Variants in NFIB observed in about 807,000 individuals in gnomAD.
The protein encoded by NFIB is nuclear factor I B, also known as nuclear factor 1 B-type.
NFIB carries 11 observed loss-of-function variants against 61.5 expected under a neutral mutation model. The observed-to-expected ratio is 0.18, with a 90% CI of 0.11 to 0.30. The LOEUF is 0.30. Among genes scored for constraint, NFIB ranks in the 10% least tolerant of loss-of-function variants. The pLI is 1.00. For missense variants in NFIB, 471 were observed against 608.9 expected, an observed-to-expected ratio of 0.77 and a Z score of 2.38; for synonymous variants, 260 against 216.5, an observed-to-expected ratio of 1.20 and a Z score of -1.76.
intron 2 of NFIB, among the ~76,000 whole-genome samples, chr9:14,288,644 A>G (rs2058873008): frequency 6.6e-6 from 1 of 152,076 alleles, no homozygotes; most frequent in African/African-American, 2.4e-5. Flanking sequence ...GTTCCCTCCC[A>G]GAAAGCTCCG....
intron 2 of NFIB, among the ~76,000 whole-genome samples, chr9:14,215,308 G>A (rs1376205401): frequency 2.0e-5 from 3 of 150,224 alleles, no homozygotes; most frequent in South Asian, 4.2e-4. Context: ...TGTAACCTCT[G>A]GTATACATTT....
intron 2 of NFIB, among the ~76,000 whole-genome samples, chr9:14,200,522 T>C (rs911604253): frequency 3.9e-5 from 6 of 152,204 alleles, no homozygotes; most frequent in African/African-American, 1.2e-4. Context: ...CCAAAATTAC[T>C]ATTTTTTTTA....
the NFIB span, among the ~76,000 whole-genome samples, chr9:14,494,487 T>G: frequency 6.6e-6 from 1 of 152,228 alleles, no homozygotes; most frequent in African/African-American, 2.4e-5. Context: ...GAGGTCCTTC[T>G]TAGCCTGGAC....
intron 2 of NFIB, among the ~76,000 whole-genome samples, chr9:14,202,813 A>C (rs2049198250): frequency 6.6e-6 from 1 of 152,226 alleles, no homozygotes. Context: ...AATGTCAATT[A>C]ATACCAAATT....
At chr9:14,495,360 G>T in the NFIB span, among the ~76,000 whole-genome samples, 1 of 151,780 alleles carries the variant, frequency 6.6e-6, no homozygotes, top group African/African-American at 2.4e-5. Context: ...CATATCTACG[G>T]GGATTTCAGA....
intron 6 of NFIB, among the ~76,000 whole-genome samples, chr9:14,134,465 G>A (rs1339572369): frequency 2.6e-5 from 4 of 152,154 alleles, no homozygotes; most frequent in Non-Finnish European, 5.9e-5. Context: ...ATTAGGCACA[G>A]AGTTACATGC....
the NFIB span, among the ~76,000 whole-genome samples, chr9:14,434,031 C>A: frequency 2.0e-5 from 3 of 152,208 alleles, no homozygotes; most frequent in African/African-American, 4.8e-5. Flanking sequence ...AAGAGCTGAG[C>A]ACTAAGCTTT....
chr9:14,406,907 A>G, the NFIB span, among the ~76,000 whole-genome samples: 12 of 152,314 alleles, frequency 7.9e-5, no homozygotes, highest in South Asian at 2.1e-3. Flanking sequence ...TCAAACACCA[A>G]TTGAACTGTG....
At chr9:14,440,451 A>G in the NFIB span, among the ~76,000 whole-genome samples, 10 of 152,206 alleles carry the variant, frequency 6.6e-5, no homozygotes, top group Non-Finnish European at 1.0e-4. Context: ...CTTCTGAAGT[A>G]CATTTCACAA....
At chr9:14,319,152 AAT>A (rs1019527417) in intron 1 of NFIB, among the ~76,000 whole-genome samples, 20 of 152,110 alleles carry the variant, frequency 1.3e-4, no homozygotes, top group African/African-American at 3.9e-4. Context: ...TGACGCTGTT[AAT>A]AATGTCACTG....
At chr9:14,301,900 G>C (rs944448194) in intron 2 of NFIB, among the ~76,000 whole-genome samples, 3 of 152,176 alleles carry the variant, frequency 2.0e-5, no homozygotes, top group Non-Finnish European at 2.9e-5. Flanking sequence ...TCTTTATCTT[G>C]TGAATTGTGT....
intron 2 of NFIB, among the ~76,000 whole-genome samples, chr9:14,276,325 A>G (rs1192187886): frequency 6.6e-6 from 1 of 152,226 alleles, no homozygotes; most frequent in Non-Finnish European, 1.5e-5. Context: ...ATTGAAATAA[A>G]TATTAAATAA....
the NFIB span, among the ~76,000 whole-genome samples, chr9:14,454,472 C>T: frequency 1.3e-5 from 2 of 152,190 alleles, no homozygotes; most frequent in Admixed American, 1.3e-4. Flanking sequence ...TTTTTGTTAA[C>T]TCTCACATAT....
Position 14,164,359 on chromosome 9 carries a change from G to C in NFIB, c.617-8466C>G, listed in dbSNP as rs990287883. 5.3e-5 allele frequency among the ~76,000 whole-genome samples: 8 copies of C among 151,888 alleles called. No individual in the cohort carries two copies. The East Asian group carries it at 1.5e-3, about 29-fold the overall frequency. On this transcript the variant is annotated intron_variant, in intron 3 of 10. Coordinates refer to ENST00000380953, the MANE Select transcript of NFIB (RefSeq NM_001190737.2). ...GATGGTATAACCTACTACACACCTA[G>C]GCTATATGCATGAAATTGCATATAG...
At chr9:14,090,215 A>T (rs1183811415) in intron 10 of NFIB, among the ~76,000 whole-genome samples, 2 of 152,158 alleles carry the variant, frequency 1.3e-5, no homozygotes, top group African/African-American at 2.4e-5. Context: ...TTGATTAAGC[A>T]GGAATAATCA....
At position 14,116,275 on chromosome 9, in the gene NFIB, A is replaced by C. The variant is rs1281543445; in HGVS notation, c.1317T>G (p.His439Gln). ...HFTPVLAPSPHPSAVRPVTLS... is the reference protein window; with the variant it reads ...HFTPVLAPSPQPSAVRPVTLS... ...GGGTCACAGGTCGCACTGCACTGGGATGGGGAGAGGGTGCCAAGACAGGAG... is the reference window on the plus strand; with the variant it reads ...GGGTCACAGGTCGCACTGCACTGGGCTGGGGAGAGGGTGCCAAGACAGGAG... Residue 439 changes from histidine (H) to glutamine (Q), a missense_variant, in exon 9 of 11, where the codon CAT becomes CAG. Physicochemically the swap from His to Gln is conservative, Grantham distance 24 (BLOSUM62 0). Coordinates refer to ENST00000380953, the MANE Select transcript of NFIB (RefSeq NM_001190737.2). The C allele has an allele frequency of 6.5e-7, 1 of 1,538,346 alleles. No homozygotes were observed. Among genetic ancestry groups the C allele is most frequent in the African/African-American group, 1.4e-5 (1 of 72,788 alleles).
the NFIB span, among the ~76,000 whole-genome samples, chr9:14,417,265 A>G: frequency 6.6e-6 from 1 of 152,140 alleles, no homozygotes; most frequent in Non-Finnish European, 1.5e-5. Flanking sequence ...AATACTTACC[A>G]TTGTGTTATA....
chr9:14,329,000 G>A (rs1184018234), intron 1 of NFIB, among the ~76,000 whole-genome samples: 2 of 152,192 alleles, frequency 1.3e-5, no homozygotes, highest in African/African-American at 4.8e-5. Context: ...AACACGAAGA[G>A]TTTGGAGTGG....
intron 2 of NFIB, among the ~76,000 whole-genome samples, chr9:14,248,938 A>G (rs2055261366): frequency 6.6e-6 from 1 of 152,228 alleles, no homozygotes; most frequent in Non-Finnish European, 1.5e-5. Flanking sequence ...ATTCCCAGTT[A>G]CATCATTTGA....
Sources: allele counts gnomAD v4.1 joint callset (sites outside exome capture counted in the v4.1 genomes callset), GRCh38; gene constraint gnomAD v4.1.1; transcripts MANE v1.5; gene names NCBI Gene and HGNC (gene_info 2026-07-23, HGNC 2026-07-21).